Variants in KAZN observed in about 807,000 individuals in gnomAD.
KAZN encodes kazrin, periplakin interacting protein, also known as kazrin.
Under a neutral mutation model 87.4 loss-of-function variants are expected in KAZN, and 40 were observed. The observed-to-expected ratio is 0.46, with a 90% confidence interval of 0.36 to 0.60. KAZN has a LOEUF of 0.60. Ranked by LOEUF, KAZN falls within the 20% of genes least tolerant of loss-of-function variation. The pLI, the probability that KAZN is intolerant of heterozygous loss-of-function variation, is 0.00. For missense variants in KAZN, 898 were observed against 1,073.9 expected (o/e 0.84, Z 2.29); for synonymous variants, 466 against 458.3 (o/e 1.02, Z -0.22).
At chr1:14,233,706 A>C (rs908514888) in intron 2 of KAZN, among the ~76,000 whole-genome samples, 10 of 152,220 alleles carry the variant, frequency 6.6e-5, no homozygotes, top group Non-Finnish European at 1.5e-4. Context: ...CAATGTACAT[A>C]CTTTTTAAAG....
At chr1:14,540,630 G>GT (rs1267230535) in intron 2 of KAZN, among the ~76,000 whole-genome samples, 1 of 152,124 alleles carries the variant, frequency 6.6e-6, no homozygotes, top group Non-Finnish European at 1.5e-5. Context: ...TCTTTGTTCT[G>GT]TTTTGTTTTT....
At chr1:15,103,609 C>T in intron 12 of KAZN, 149 bp downstream of exon 12, 1 of 662,888 alleles carries the variant, frequency 1.5e-6, no homozygotes, top group Non-Finnish European at 2.7e-6. Flanking sequence ...TTAATATCCC[C>T]TTTGTGTGGG....
At chr1:14,376,244 C>T (rs1232850814) in intron 2 of KAZN, among the ~76,000 whole-genome samples, 1 of 152,154 alleles carries the variant, frequency 6.6e-6, no homozygotes. Flanking sequence ...GAATACAGTA[C>T]TTTCATCAGT....
intron 2 of KAZN, among the ~76,000 whole-genome samples, chr1:14,962,196 C>T (rs1294634779): frequency 6.6e-6 from 1 of 152,200 alleles, no homozygotes; most frequent in African/African-American, 2.4e-5. Context: ...GCTGACTATC[C>T]CCCAGAAAGC....
chr1:14,348,355 A>G (rs1387325527), intron 2 of KAZN, among the ~76,000 whole-genome samples: 2 of 152,130 alleles, frequency 1.3e-5, no homozygotes, highest in South Asian at 4.1e-4. Context: ...CCTAACCCAT[A>G]TACTACTTCT....
At chr1:14,866,820 T>C (rs1359544039) in intron 1 of KAZN, among the ~76,000 whole-genome samples, 1 of 152,164 alleles carries the variant, frequency 6.6e-6, no homozygotes, top group Non-Finnish European at 1.5e-5. Flanking sequence ...TCCAAGACCT[T>C]GGGCCTCACT....
chr1:15,067,674 A>G, intron 8 of KAZN: 1 of 985,406 alleles, frequency 1.0e-6, no homozygotes, highest in Non-Finnish European at 1.2e-6. Flanking sequence ...TCAAGAACAA[A>G]CAACACTTTC....
At chr1:14,774,667 A>G (rs1645124818) in intron 1 of KAZN, among the ~76,000 whole-genome samples, 1 of 152,004 alleles carries the variant, frequency 6.6e-6, no homozygotes, top group Non-Finnish European at 1.5e-5. Flanking sequence ...AATTTTTTAG[A>G]AGAGATCAGT....
At chr1:13,945,998 C>T (rs1281942723) in intron 1 of KAZN, among the ~76,000 whole-genome samples, 1 of 152,200 alleles carries the variant, frequency 6.6e-6, no homozygotes, top group Non-Finnish European at 1.5e-5. Context: ...GCACCAAGAA[C>T]TGCCAGATGG....
chr1:14,810,803 G>C (rs956747580), intron 1 of KAZN, among the ~76,000 whole-genome samples: 3 of 152,154 alleles, frequency 2.0e-5, no homozygotes, highest in Non-Finnish European at 4.4e-5. Flanking sequence ...CAAGAAAGCC[G>C]AGTCATGAGA....
At chr1:14,644,288 A>C (rs1053980749) in intron 1 of KAZN, among the ~76,000 whole-genome samples, 6 of 151,158 alleles carry the variant, frequency 4.0e-5, no homozygotes, top group Non-Finnish European at 7.4e-5. Context: ...CTGGGATTAC[A>C]GGCATGAGCC....
At chr1:13,959,764 TA>T (rs1641682825) in intron 1 of KAZN, among the ~76,000 whole-genome samples, 1 of 152,112 alleles carries the variant, frequency 6.6e-6, no homozygotes, top group Non-Finnish European at 1.5e-5. Flanking sequence ...CCTGGGAAAT[TA>T]CCAAATTAAG....
intron 1 of KAZN, among the ~76,000 whole-genome samples, chr1:14,895,194 C>G (rs1406577250): frequency 6.6e-6 from 1 of 152,228 alleles, no homozygotes; most frequent in African/African-American, 2.4e-5. Flanking sequence ...GGGGCAATGG[C>G]CAGCCCCAGA....
intron 6 of KAZN, 39 bp from the exon 7 acceptor site, chr1:15,063,533 T>C: frequency 6.3e-7 from 1 of 1,587,290 alleles, no homozygotes; most frequent in Non-Finnish European, 8.7e-7. Flanking sequence ...GTGTCACCTG[T>C]CTCTGCTGTT....
intron 1 of KAZN, among the ~76,000 whole-genome samples, chr1:14,731,762 C>T (rs1334935046): frequency 1.3e-5 from 2 of 152,186 alleles, no homozygotes; most frequent in African/African-American, 4.8e-5. Flanking sequence ...CTGCACAGTG[C>T]CTGAGTGAGT....
chr1:14,220,232 T>C (rs1217025823), intron 2 of KAZN, among the ~76,000 whole-genome samples: 1 of 152,186 alleles, frequency 6.6e-6, no homozygotes, highest in Non-Finnish European at 1.5e-5. Context: ...CATGTATTTC[T>C]GACTCTCTGC....
At chr1:14,801,361 G>A (rs938144803) in intron 1 of KAZN, among the ~76,000 whole-genome samples, 17 of 152,178 alleles carry the variant, frequency 1.1e-4, no homozygotes, top group Non-Finnish European at 1.3e-4. Context: ...GTTTCGTGAC[G>A]AGGGGTGGCA....
chr1:14,997,695 C>T lies in KAZN; in HGVS notation c.418+36820C>T, dbSNP rs544748290. Among the ~76,000 whole-genome samples, 442 of 151,482 alleles carry T rather than the reference C, an allele frequency of 2.9e-3. 2 individuals are homozygous for T. Among genetic ancestry groups the T allele is most frequent in the Non-Finnish European group, 4.7e-3 (321 of 67,712 alleles). ...AAAGCCTGTGTGGGGAAGTGGACAGCCCCCTGAGGGTGGAGGAGCAGGGGC... is the reference window on the plus strand; with the variant it reads ...AAAGCCTGTGTGGGGAAGTGGACAGTCCCCTGAGGGTGGAGGAGCAGGGGC... On this transcript the variant is annotated intron_variant, in intron 2 of 14. Transcript: ENST00000376030.
In KAZN at chr1:15,117,880, G is replaced by C. The variant is rs1352551397; in HGVS notation, c.*3245G>C. The C allele has an allele frequency of 1.3e-5, 2 of 152,208 alleles. No homozygotes were observed. The highest frequency in any genetic ancestry group is 6.5e-5 in the Admixed American group (1 of 15,284). The allele number at this position is 152,208 out of a possible 1,614,324, so 9.4% of individuals were successfully genotyped here. A position where few individuals can be genotyped will look rare whatever the true frequency, so the allele number is the denominator to read the frequency against. ...AGTCTGGCATTCTTGCCAATGGCTGGCCAGCGAGGAGAATCTCCCGAGCCC... is the reference window on the plus strand; with the variant it reads ...AGTCTGGCATTCTTGCCAATGGCTGCCCAGCGAGGAGAATCTCCCGAGCCC... On this transcript the variant is annotated 3_prime_UTR_variant, in exon 15 of 15. Coordinates refer to ENST00000376030, the MANE Select transcript of KAZN (RefSeq NM_201628.3).
Sources: allele counts gnomAD v4.1 joint callset (sites outside exome capture counted in the v4.1 genomes callset), GRCh38; gene constraint gnomAD v4.1.1; transcripts MANE v1.5; gene names NCBI Gene and HGNC (gene_info 2026-07-23, HGNC 2026-07-21).